ITM2B: variants seen among roughly 807,000 people sequenced by gnomAD.
The protein encoded by ITM2B is integral membrane protein 2B.
ITM2B carries 11 observed loss-of-function variants against 27.8 expected under a neutral mutation model. The observed-to-expected ratio is 0.40, with a 90% CI of 0.25 to 0.66. The LOEUF is 0.66. Among genes scored for constraint, ITM2B ranks in the 30% least tolerant of loss-of-function variants. The probability of loss-of-function intolerance (pLI) is 0.43; values close to 1 mark genes in which losing one functional copy is unlikely to be tolerated. For synonymous variants in ITM2B, 114 were observed against 114.3 expected (o/e 1.00, Z 0.02); for missense variants, 296 against 328.9 (o/e 0.90, Z 0.77).
At chr13:48,253,967 T>TG (rs550742725) in intron 2 of ITM2B, 31 bp downstream of exon 2, 1 of 281,824 alleles carries the variant, frequency 3.5e-6, no homozygotes, top group Non-Finnish European at 5.3e-6. Flanking sequence ...GTGTCTCTGA[T>TG]TTTTTTTTTT....
chr13:48,256,806 A>G (rs1029498614), intron 3 of ITM2B, among the ~76,000 whole-genome samples: 2 of 152,204 alleles, frequency 1.3e-5, no homozygotes, highest in African/African-American at 4.8e-5. Context: ...TGAATACCCA[A>G]AATCCTCCAC....
intron 1 of ITM2B, among the ~76,000 whole-genome samples, chr13:48,234,958 A>C (rs1477091312): frequency 6.6e-6 from 1 of 152,224 alleles, no homozygotes; most frequent in Non-Finnish European, 1.5e-5. Context: ...AAATAGATTG[A>C]GAGTCAAGTA....
chr13:48,253,916 T>C lies in ITM2B; in HGVS notation c.226T>C (p.Tyr76His). ...AGVILGGAYLYKYFALQPDDV... is the reference protein window; with the variant it reads ...AGVILGGAYLHKYFALQPDDV... ...TGTTATTCTAGGAGGAGCATACTTG[T>C]ACAAATATTTTGCACTTCAAGTAAG... is the stretch of plus-strand genomic sequence containing the variant. The change falls in exon 2 of 6, where the codon TAC (tyrosine) becomes CAC (histidine). Residue 76 changes from tyrosine to histidine, a missense_variant. By Grantham distance (83) the Tyr-to-His change is moderately conservative (BLOSUM62 2). Coordinates refer to ENST00000647800, the MANE Select transcript of ITM2B (RefSeq NM_021999.5). 6.2e-7 allele frequency: 1 copy of C among 1,613,850 alleles called. No homozygotes were observed. Among genetic ancestry groups the C allele is most frequent in the Non-Finnish European group, 8.5e-7 (1 of 1,179,850 alleles).
Position 48,261,528 on chromosome 13 carries a change from T to C in ITM2B, c.*304T>C, listed in dbSNP as rs1951822981. 1 of 225,998 alleles carries C rather than the reference T, an allele frequency of 4.4e-6. No individual in the cohort carries two copies. The highest frequency in any genetic ancestry group is 8.0e-5 in the South Asian group (1 of 12,472). 14.0% of individuals were successfully genotyped at this position (225,998 alleles called of 1,614,324 possible). A position where few individuals can be genotyped will look rare whatever the true frequency, so the allele number is the denominator to read the frequency against. ...ATTTATCTGGATTTTTATGTTTTAT[T>C]AGCATTTTCAAGAAGACGGATTATC... On this transcript the variant is annotated 3_prime_UTR_variant, in exon 6 of 6. Coordinates refer to ENST00000647800, the MANE Select transcript of ITM2B (RefSeq NM_021999.5).
Position 48,262,869 on chromosome 13 carries a change from G to A in ITM2B, c.*1645G>A, listed in dbSNP as rs1262893848. On this transcript the variant is annotated 3_prime_UTR_variant, in exon 6 of 6. Transcript: ENST00000647800. ...GTGAAGTGCATGGGATTAGGTCATG[G>A]AAGAAGACCATGTATGTCATCTTGA... 6.6e-6 allele frequency: 1 copy of A among 152,170 alleles called. No homozygotes were observed. The highest frequency in any genetic ancestry group is 2.4e-5 in the African/African-American group (1 of 41,442). The allele number at this position is 152,170 out of a possible 1,614,324, so 9.4% of individuals were successfully genotyped here.
intron 5 of ITM2B, among the ~76,000 whole-genome samples, chr13:48,259,560 A>C: frequency 6.6e-6 from 1 of 152,220 alleles, no homozygotes; most frequent in East Asian, 1.9e-4. Flanking sequence ...AAGAAGTGCC[A>C]TTCAGATACA....
chr13:48,236,721 C>G (rs1444115770), intron 1 of ITM2B, among the ~76,000 whole-genome samples: 1 of 152,152 alleles, frequency 6.6e-6, no homozygotes, highest in African/African-American at 2.4e-5. Context: ...CTTCTGTTTA[C>G]CTCACAGTGA....
intron 1 of ITM2B, among the ~76,000 whole-genome samples, chr13:48,241,540 C>A (rs1288977026): frequency 6.6e-6 from 1 of 152,152 alleles, no homozygotes; most frequent in African/African-American, 2.4e-5. Context: ...CTCCCTATTT[C>A]TCTAAATCAG....
chr13:48,267,977 CTT>C lies in ITM2B; in HGVS notation c.*6756_*6757del, dbSNP rs1267061882. The C allele has an allele frequency of 6.6e-6, 1 of 152,190 alleles. No homozygotes were observed. The highest frequency in any genetic ancestry group is 2.1e-4 in the South Asian group (1 of 4,834). 9.4% of individuals were successfully genotyped at this position (152,190 alleles called of 1,614,324 possible). A position where few individuals can be genotyped will look rare whatever the true frequency, so the allele number is the denominator to read the frequency against. On this transcript the variant is annotated 3_prime_UTR_variant, in exon 6 of 6. Transcript: ENST00000647800. ...GTGTTCAACTCAGTGAGTTTTGACA[CTT>C]TTCTTTGTCCATGTTAACAATCATC...
chr13:48,256,328 C>G lies in ITM2B; in HGVS notation c.398C>G (p.Pro133Arg). The change falls in exon 3 of 6, where the codon CCT becomes CGT. Residue 133 changes from proline (P) to arginine (R), a missense_variant. Physicochemically the swap from Pro to Arg is moderately radical, Grantham distance 103. Coordinates refer to ENST00000647800, the MANE Select transcript of ITM2B (RefSeq NM_021999.5). ...GAAGAAGTTGAATTTATCAGTGTGC[C>G]TGTCCCAGAGTTTGCAGATAGTGAT... is the stretch of plus-strand genomic sequence containing the variant. Reference protein sequence around the residue: ...EEEEVEFISVPVPEFADSDPA... With the variant: ...EEEEVEFISVRVPEFADSDPA... 3 of 1,614,042 alleles carry G rather than the reference C, an allele frequency of 1.9e-6. No homozygotes were observed. The highest frequency in any genetic ancestry group is 2.5e-6 in the Non-Finnish European group (3 of 1,179,936).
Position 48,258,229 on chromosome 13 carries a change from A to G in ITM2B, c.557A>G (p.Asn186Ser), listed in dbSNP as rs748368864. Residue 186 changes from asparagine to serine, a missense_variant, in exon 4 of 6, where the codon AAC becomes AGC. Coordinates refer to ENST00000647800, the MANE Select transcript of ITM2B (RefSeq NM_021999.5). ...PPRNLLELLI[N>S]IKAGTYLPQS... ...AGAAACCTACTGGAGTTACTTATTAACATCAAGGTATAAGAATGTTGACTG... is the reference window on the plus strand; with the variant it reads ...AGAAACCTACTGGAGTTACTTATTAGCATCAAGGTATAAGAATGTTGACTG... 1 of 1,449,070 alleles carries G rather than the reference A, an allele frequency of 6.9e-7. No individual in the cohort carries two copies. Among genetic ancestry groups the G allele is most frequent in the Non-Finnish European group, 9.7e-7 (1 of 1,029,704 alleles). The allele number at this position is 1,449,070 out of a possible 1,614,324, so 89.8% of individuals were successfully genotyped here.
At position 48,268,099 on chromosome 13, in the gene ITM2B, T is replaced by C. The variant is rs776268860; in HGVS notation, c.*6875T>C. 6.6e-6 allele frequency: 1 copy of C among 152,196 alleles called. No individual in the cohort carries two copies. Among genetic ancestry groups the C allele is most frequent in the Non-Finnish European group, 1.5e-5 (1 of 68,032 alleles). 9.4% of individuals were successfully genotyped at this position (152,196 alleles called of 1,614,324 possible). On this transcript the variant is annotated 3_prime_UTR_variant, in exon 6 of 6. Coordinates refer to ENST00000647800, the MANE Select transcript of ITM2B (RefSeq NM_021999.5). The stretch of plus-strand genomic sequence containing the variant: ...AACTACTTTTTCATTTCTATGACCA[T>C]AGTTCAGTTTTTGGCTATTCTTGAA...
Position 48,263,872 on chromosome 13 carries a change from G to A in ITM2B, c.*2648G>A, listed in dbSNP as rs1320285671. The A allele has an allele frequency of 6.6e-6, 1 of 152,148 alleles. No homozygotes were observed. The highest frequency in any genetic ancestry group is 1.5e-5 in the Non-Finnish European group (1 of 68,084). 9.4% of individuals were successfully genotyped at this position (152,148 alleles called of 1,614,324 possible). A position where few individuals can be genotyped will look rare whatever the true frequency, so the allele number is the denominator to read the frequency against. ...ATTTCCTAATACTGTCACCTTGGGG[G>A]TAAGGATTTCAACATGAATTCTGGG... is the stretch of plus-strand genomic sequence containing the variant. On this transcript the variant is annotated 3_prime_UTR_variant, in exon 6 of 6. Transcript: ENST00000647800.
chr13:48,235,378 C>A (rs552631042), intron 1 of ITM2B, among the ~76,000 whole-genome samples: 6 of 152,294 alleles, frequency 3.9e-5, no homozygotes, highest in African/African-American at 1.4e-4. Flanking sequence ...AAGAAAAATA[C>A]TACTGGGACT....
intron 1 of ITM2B, among the ~76,000 whole-genome samples, chr13:48,234,180 G>A (rs1951653597): frequency 6.6e-6 from 1 of 152,124 alleles, no homozygotes; most frequent in South Asian, 2.1e-4. Flanking sequence ...GTCTTTGTGA[G>A]GACTCCTGCT....
chr13:48,241,304 C>T (rs1294812055), intron 1 of ITM2B, among the ~76,000 whole-genome samples: 1 of 152,170 alleles, frequency 6.6e-6, no homozygotes, highest in Non-Finnish European at 1.5e-5. Flanking sequence ...TTCCGCCTCC[C>T]AGGTTCAAGT....
At chr13:48,250,235 T>C (rs542128707) in intron 1 of ITM2B, among the ~76,000 whole-genome samples, 1 of 152,340 alleles carries the variant, frequency 6.6e-6, no homozygotes, top group Non-Finnish European at 1.5e-5. Context: ...ATGAATTATG[T>C]TGCATCTCTC....
intron 2 of ITM2B, 35 bp from the exon 3 acceptor site, chr13:48,256,142 T>C (rs1245985156): frequency 6.8e-7 from 1 of 1,476,704 alleles, no homozygotes; most frequent in Non-Finnish European, 9.5e-7. Context: ...TGTCTCATGC[T>C]GAATTGCTGA....
At chr13:48,248,080 A>AGTGGTTTT (rs1951734041) in intron 1 of ITM2B, among the ~76,000 whole-genome samples, 1 of 152,146 alleles carries the variant, frequency 6.6e-6, no homozygotes, top group Non-Finnish European at 1.5e-5. Context: ...CTTACTTGTT[A>AGTGGTTTT]GTGGTTTTTT....
Sources: allele counts gnomAD v4.1 joint callset (sites outside exome capture counted in the v4.1 genomes callset), GRCh38; gene constraint gnomAD v4.1.1; transcripts MANE v1.5; gene names NCBI Gene and HGNC (gene_info 2026-07-23, HGNC 2026-07-21).